The following ARSB variants were observed in gnomAD, a reference collection of about 807,000 sequenced individuals.
ARSB encodes the protein N-acetylgalactosamine-4-sulfatase.
ARSB carries 41 observed loss-of-function variants against 50.9 expected under a neutral mutation model. The observed-to-expected ratio is 0.81, with a 90% confidence interval of 0.63 to 1.04. The LOEUF (loss-of-function observed/expected upper bound fraction) is 1.04, where lower values mean the gene tolerates loss of function less well. Among genes scored for constraint, ARSB ranks in the 50% least tolerant of loss-of-function variants. The probability of loss-of-function intolerance (pLI) is 0.00; values close to 1 mark genes in which losing one functional copy is unlikely to be tolerated. For synonymous variants in ARSB, 269 were observed against 284.8 expected (o/e 0.94, Z 0.56); for missense variants, 672 against 693.3 (o/e 0.97, Z 0.35).
At chr5:78,815,341 C>CT (rs1194666982) in intron 6 of ARSB, among the ~76,000 whole-genome samples, 2 of 150,662 alleles carry the variant, frequency 1.3e-5, no homozygotes, top group African/African-American at 2.5e-5. Context: ...TTTTTCCCTG[C>CT]TTTTTTCTAT....
intron 4 of ARSB, among the ~76,000 whole-genome samples, chr5:78,939,769 T>G (rs1422573361): frequency 1.3e-5 from 2 of 152,190 alleles, no homozygotes; most frequent in Non-Finnish European, 2.9e-5. Context: ...TATAGCAGCA[T>G]GATTTATAAT....
chr5:78,831,238 G>C (rs1238646024), intron 6 of ARSB, among the ~76,000 whole-genome samples: 1 of 152,024 alleles, frequency 6.6e-6, no homozygotes, highest in Non-Finnish European at 1.5e-5. Flanking sequence ...CAGGAAATAA[G>C]TCAGAGCTGG....
chr5:78,816,639 G>A (rs1450203993), intron 6 of ARSB, among the ~76,000 whole-genome samples: 1 of 152,198 alleles, frequency 6.6e-6, no homozygotes, highest in East Asian at 1.9e-4. Flanking sequence ...TAAAAGTAGG[G>A]AATTTTCTCC....
chr5:78,898,128 T>C (rs931679726), intron 4 of ARSB, among the ~76,000 whole-genome samples: 3 of 151,862 alleles, frequency 2.0e-5, no homozygotes, highest in Non-Finnish European at 4.4e-5. Context: ...ATTAGCCAGG[T>C]GTGGTGGCAG....
chr5:78,826,959 C>A (rs1205897678), intron 6 of ARSB, among the ~76,000 whole-genome samples: 1 of 152,098 alleles, frequency 6.6e-6, no homozygotes. Flanking sequence ...CCCAGAGCAT[C>A]CCTGGCATAT....
At chr5:78,803,000 C>T (rs546569622) in intron 6 of ARSB, among the ~76,000 whole-genome samples, 86 of 152,286 alleles carry the variant, frequency 5.6e-4, no homozygotes, top group Middle Eastern at 6.8e-3. Flanking sequence ...GACATTTTCT[C>T]CTGCAGGGAT....
At chr5:78,792,378 CAAAAAAAA>C (rs1178658652) in intron 6 of ARSB, among the ~76,000 whole-genome samples, 12 of 105,520 alleles carry the variant, frequency 1.1e-4, no homozygotes, top group African/African-American at 3.5e-4. Flanking sequence ...GAATCTGTCG[CAAAAAAAA>C]AAAAAAAAAG....
At chr5:78,911,704 C>T (rs1351900844) in intron 4 of ARSB, among the ~76,000 whole-genome samples, 3 of 149,360 alleles carry the variant, frequency 2.0e-5, no homozygotes, top group Admixed American at 6.7e-5. Context: ...AGGTGTTCTA[C>T]TCTGCAGAAA....
Position 78,943,986 on chromosome 5 carries a change from C to T in ARSB, c.898+11309G>A, listed in dbSNP as rs1751075722. ...GAGGCTTTGTTCGTTTCTTTTTATT[C>T]TTTTTTCTCTAAACTTCTCTTCTCA... On this transcript the variant is annotated intron_variant, in intron 4 of 7. Transcript: ENST00000264914. Among the ~76,000 whole-genome samples the T allele has an allele frequency of 2.0e-5, 3 of 152,230 alleles. No individual in the cohort carries two copies. In the South Asian group the frequency reaches 6.2e-4, roughly 32 times the overall value.
chr5:78,945,154 C>T (rs962792008), intron 4 of ARSB, among the ~76,000 whole-genome samples: 1 of 152,132 alleles, frequency 6.6e-6, no homozygotes, highest in East Asian at 1.9e-4. Context: ...GGGAGTGACC[C>T]GATTTTCCAG....
chr5:78,898,215 G>A (rs1235484738), intron 4 of ARSB, among the ~76,000 whole-genome samples: 2 of 152,146 alleles, frequency 1.3e-5, no homozygotes, highest in East Asian at 1.9e-4. Flanking sequence ...TTGCAGTGCC[G>A]AGACTGTGCC....
At chr5:78,968,897 C>A in intron 2 of ARSB, 109 bp downstream of exon 2, 1 of 1,280,258 alleles carries the variant, frequency 7.8e-7, no homozygotes, top group Non-Finnish European at 1.1e-6. Flanking sequence ...CCGACTGATT[C>A]ACTCTGTGTT....
Position 78,985,036 on chromosome 5 carries a change from G to A in ARSB, c.213C>T (p.His71=). Residue 71 remains histidine (H), a synonymous_variant, in exon 1 of 8, where the codon CAC becomes CAT. Transcript: ENST00000264914. ...CCCCGCCGGCCGCCAGCGCGTCCAG[G>A]TGCGGCGTGCGGATGCGGGAGCCGT... The part of the protein sequence containing the change: ...GFHGSRIRTP[H]LDALAAGGVL... 6.5e-7 allele frequency: 1 copy of A among 1,541,918 alleles called. No homozygotes were observed. The highest frequency in any genetic ancestry group is 8.7e-7 in the Non-Finnish European group (1 of 1,146,248).
intron 6 of ARSB, among the ~76,000 whole-genome samples, chr5:78,837,075 A>G (rs551130095): frequency 9.8e-5 from 15 of 152,314 alleles, no homozygotes; most frequent in South Asian, 6.2e-4. Context: ...GGGGATTACA[A>G]TTCGACATGA....
chr5:78,813,256 G>A (rs1016147911), intron 6 of ARSB, among the ~76,000 whole-genome samples: 10 of 151,980 alleles, frequency 6.6e-5, no homozygotes. Context: ...TAGAGATGGG[G>A]TTTCTCCATG....
At chr5:78,800,501 G>T (rs1743346732) in intron 6 of ARSB, among the ~76,000 whole-genome samples, 1 of 152,092 alleles carries the variant, frequency 6.6e-6, no homozygotes, top group Non-Finnish European at 1.5e-5. Flanking sequence ...TTTACAGGGG[G>T]TTATACATTA....
At chr5:78,805,518 C>T (rs1220966149) in intron 6 of ARSB, among the ~76,000 whole-genome samples, 1 of 152,204 alleles carries the variant, frequency 6.6e-6, no homozygotes, top group African/African-American at 2.4e-5. Flanking sequence ...CAGGAAGAGG[C>T]TACTGGAGGC....
chr5:78,853,297 C>G (rs1006246901), intron 5 of ARSB, among the ~76,000 whole-genome samples: 3 of 152,184 alleles, frequency 2.0e-5, no homozygotes, highest in South Asian at 2.1e-4. Flanking sequence ...AGCTGCAGGT[C>G]TGTTGGAGTT....
chr5:78,824,311 T>C (rs1744348662), intron 6 of ARSB, among the ~76,000 whole-genome samples: 1 of 152,254 alleles, frequency 6.6e-6, no homozygotes. Context: ...ATCTCTGTCT[T>C]TAATTAGATA....
Sources: gnomAD v4.1 joint callset for allele counts (sites outside exome capture counted in the v4.1 genomes callset) on GRCh38, gnomAD v4.1.1 for gene constraint, MANE v1.5 for transcripts, NCBI Gene and HGNC (gene_info 2026-07-23, HGNC 2026-07-21) for gene names.